Variants in SLC24A2 observed in about 807,000 individuals in gnomAD.
SLC24A2 encodes solute carrier family 24 member 2.
SLC24A2 carries 36 observed loss-of-function variants against 62.0 expected under a neutral mutation model. That is an observed-to-expected ratio of 0.58 (90% CI 0.44 to 0.77). The LOEUF (loss-of-function observed/expected upper bound fraction) is 0.77, where lower values mean the gene tolerates loss of function less well. SLC24A2 is among the 30% of genes least tolerant of loss of function. SLC24A2 has a pLI of 0.00. For missense variants in SLC24A2, 846 were observed against 817.9 expected (o/e 1.03, Z -0.42); for synonymous variants, 358 against 294.0 (o/e 1.22, Z -2.23).
chr9:19,703,222 G>C (rs556630065), intron 2 of SLC24A2, among the ~76,000 whole-genome samples: 1 of 152,272 alleles, frequency 6.6e-6, no homozygotes, highest in South Asian at 2.1e-4. Flanking sequence ...ATCTTAGTAA[G>C]CAGTGCAGAT....
chr9:19,650,470 T>C (rs1258936285), intron 2 of SLC24A2, among the ~76,000 whole-genome samples: 1 of 152,168 alleles, frequency 6.6e-6, no homozygotes, highest in Admixed American at 6.5e-5. Flanking sequence ...TGGCCCATCA[T>C]GTGCTTAGCC....
chr9:19,912,315 C>T, the SLC24A2 span, among the ~76,000 whole-genome samples: 7 of 152,124 alleles, frequency 4.6e-5, no homozygotes, highest in Non-Finnish European at 8.8e-5. Flanking sequence ...GATGTTATCC[C>T]ATGGATAGTG....
At chr9:19,693,538 A>G (rs1564042998) in intron 2 of SLC24A2, among the ~76,000 whole-genome samples, 1 of 152,158 alleles carries the variant, frequency 6.6e-6, no homozygotes, top group Non-Finnish European at 1.5e-5. Flanking sequence ...TATATACCTA[A>G]ACTCTTACTC....
chr9:19,730,009 T>C (rs780258204), intron 2 of SLC24A2, among the ~76,000 whole-genome samples: 39 of 152,182 alleles, frequency 2.6e-4, no homozygotes, highest in Non-Finnish European at 3.5e-4. Flanking sequence ...CATTTGTCAA[T>C]TGAAAACGTA....
chr9:19,551,343 G>T (rs922573576), intron 7 of SLC24A2, among the ~76,000 whole-genome samples: 2 of 152,230 alleles, frequency 1.3e-5, no homozygotes, highest in African/African-American at 4.8e-5. Context: ...CCAATGGCCA[G>T]CGTTTTATTT....
At chr9:19,726,180 T>G (rs1821163318) in intron 2 of SLC24A2, among the ~76,000 whole-genome samples, 1 of 152,158 alleles carries the variant, frequency 6.6e-6, no homozygotes. Context: ...TGGAGTCACC[T>G]CTTTGCGCAC....
At chr9:20,166,451 A>G in the SLC24A2 span, among the ~76,000 whole-genome samples, 1 of 151,998 alleles carries the variant, frequency 6.6e-6, no homozygotes, top group Non-Finnish European at 1.5e-5. Flanking sequence ...TATATCAACA[A>G]CATCTATTAT....
At chr9:20,059,513 C>T in the SLC24A2 span, among the ~76,000 whole-genome samples, 8 of 152,098 alleles carry the variant, frequency 5.3e-5, no homozygotes, top group South Asian at 1.5e-3. Context: ...ACTGGAAAAT[C>T]CACAAATATG....
intron 4 of SLC24A2, among the ~76,000 whole-genome samples, chr9:19,609,644 T>C (rs1837089418): frequency 6.6e-6 from 1 of 152,214 alleles, no homozygotes; most frequent in Non-Finnish European, 1.5e-5. Flanking sequence ...GGTTAATCTT[T>C]GGTATTTTAT....
the SLC24A2 span, among the ~76,000 whole-genome samples, chr9:19,795,852 A>G: frequency 6.6e-6 from 1 of 152,084 alleles, no homozygotes; most frequent in Non-Finnish European, 1.5e-5. Flanking sequence ...TCACAATAGC[A>G]AAGACTTGGA....
intron 2 of SLC24A2, among the ~76,000 whole-genome samples, chr9:19,776,713 T>TA (rs1822856589): frequency 6.6e-6 from 1 of 152,356 alleles, no homozygotes; most frequent in African/African-American, 2.4e-5. Context: ...CTACTACATG[T>TA]AAGTCAGTTA....
chr9:20,116,427 G>T, the SLC24A2 span, among the ~76,000 whole-genome samples: 10 of 152,130 alleles, frequency 6.6e-5, no homozygotes, highest in African/African-American at 2.4e-4. Context: ...CAGAAAACAA[G>T]ACCAGGTCCT....
chr9:20,286,210 G>A, the SLC24A2 span, among the ~76,000 whole-genome samples: 3 of 152,208 alleles, frequency 2.0e-5, no homozygotes, highest in Non-Finnish European at 4.4e-5. Context: ...AATAGGTTTG[G>A]TTGCACATAA....
At chr9:20,199,726 T>G in the SLC24A2 span, among the ~76,000 whole-genome samples, 1 of 150,930 alleles carries the variant, frequency 6.6e-6, no homozygotes, top group South Asian at 2.1e-4. Flanking sequence ...TTCTTTCTTT[T>G]TTTTTTTTTT....
chr9:19,642,740 G>A (rs1818536955), intron 2 of SLC24A2, among the ~76,000 whole-genome samples: 2 of 131,324 alleles, frequency 1.5e-5, no homozygotes, highest in East Asian at 2.6e-4. Context: ...GACTGCAGTG[G>A]CACTATCTCG....
At chr9:19,774,910 T>C (rs778010792) in intron 2 of SLC24A2, among the ~76,000 whole-genome samples, 3 of 152,228 alleles carry the variant, frequency 2.0e-5, no homozygotes, top group Non-Finnish European at 2.9e-5. Context: ...CAAGCAAGTA[T>C]ACTTGTTTCT....
the SLC24A2 span, among the ~76,000 whole-genome samples, chr9:20,116,667 T>A: frequency 3.9e-5 from 6 of 152,182 alleles, no homozygotes; most frequent in African/African-American, 1.4e-4. Context: ...TCCCAGAACA[T>A]ACTGCAAAGT....
intron 2 of SLC24A2, among the ~76,000 whole-genome samples, chr9:19,736,704 T>C (rs896648746): frequency 6.6e-6 from 1 of 151,962 alleles, no homozygotes; most frequent in African/African-American, 2.4e-5. Context: ...AAAATAAAAC[T>C]AGCCAAGTGT....
At chr9:19,730,506 A>T (rs1347399013) in intron 2 of SLC24A2, among the ~76,000 whole-genome samples, 1 of 152,186 alleles carries the variant, frequency 6.6e-6, no homozygotes, top group Non-Finnish European at 1.5e-5. Context: ...CAGTTAAATG[A>T]CTTCACAACC....
Sources: allele counts gnomAD v4.1 joint callset (sites outside exome capture counted in the v4.1 genomes callset), GRCh38; gene constraint gnomAD v4.1.1; transcripts MANE v1.5; gene names NCBI Gene and HGNC (gene_info 2026-07-23, HGNC 2026-07-21).